DACH2: variants seen among roughly 807,000 people sequenced by gnomAD.
DACH2 encodes dachshund homolog 2.
A neutral mutation model predicts 35.8 loss-of-function variants in DACH2; 17 were observed. That is an observed-to-expected ratio of 0.48 (90% CI 0.33 to 0.71). The LOEUF (loss-of-function observed/expected upper bound fraction) is 0.71. DACH2 is among the 30% of genes least tolerant of loss of function. The pLI is 0.02. For synonymous variants in DACH2, 195 were observed against 177.3 expected (o/e 1.10, Z -0.79); for missense variants, 469 against 472.7 (o/e 0.99, Z 0.07).
intron 6 of DACH2, among the ~76,000 whole-genome samples, chrX:86,726,921 G>A (rs137902700): frequency 8.9e-6 from 1 of 111,909 alleles, no homozygotes; most frequent in Non-Finnish European, 1.9e-5. Context: ...ATCAGTCTCT[G>A]CTGAATTTTA....
At chrX:86,192,858 G>A (rs2031871845) in intron 1 of DACH2, among the ~76,000 whole-genome samples, 1 of 112,137 alleles carries the variant, frequency 8.9e-6, no homozygotes, top group Admixed American at 9.5e-5. Flanking sequence ...GTTTAGAAAA[G>A]GAAGGGATGT....
chrX:86,205,792 C>G (rs1236445684), intron 1 of DACH2, among the ~76,000 whole-genome samples: 1 of 107,935 alleles, frequency 9.3e-6, no homozygotes, highest in Non-Finnish European at 1.9e-5. Context: ...ACCTCGAATT[C>G]CTGACCTCAA....
chrX:86,266,309 A>G (rs1382172008), intron 1 of DACH2, among the ~76,000 whole-genome samples: 1 of 111,289 alleles, frequency 9.0e-6, no homozygotes, highest in African/African-American at 3.3e-5. Context: ...ATTATATTTC[A>G]CTTTCATATT....
intron 1 of DACH2, among the ~76,000 whole-genome samples, chrX:86,361,400 A>G (rs2035737339): frequency 9.0e-6 from 1 of 111,688 alleles, no homozygotes; most frequent in South Asian, 3.6e-4. Flanking sequence ...TTATACCAAT[A>G]TTTCTAAGAG....
chrX:86,831,796 A>G, intron 11 of DACH2: 1 of 80,458 alleles, frequency 1.2e-5, no homozygotes, highest in Non-Finnish European at 2.2e-5. Context: ...ATGCACCATT[A>G]TATACAAAAA....
chrX:86,447,053 G>A (rs1186476054), intron 2 of DACH2, among the ~76,000 whole-genome samples: 2 of 75,665 alleles, frequency 2.6e-5, no homozygotes, highest in African/African-American at 4.9e-5. Flanking sequence ...CAGTGATGAT[G>A]AGCATTTCTT....
intron 3 of DACH2, among the ~76,000 whole-genome samples, chrX:86,529,976 C>T (rs899025949): frequency 1.2e-4 from 4 of 34,509 alleles, no homozygotes; most frequent in Admixed American, 6.0e-4. Flanking sequence ...CACACACACA[C>T]GCACACACAC....
intron 2 of DACH2, among the ~76,000 whole-genome samples, chrX:86,489,948 A>G (rs2038071766): frequency 8.9e-6 from 1 of 112,052 alleles, no homozygotes; most frequent in African/African-American, 3.2e-5. Flanking sequence ...TTACTAGAAA[A>G]TAGCGTCTTT....
chrX:86,181,315 C>G (rs2031485901), intron 1 of DACH2, among the ~76,000 whole-genome samples: 1 of 110,742 alleles, frequency 9.0e-6, no homozygotes, highest in Non-Finnish European at 1.9e-5. Context: ...AGGTATTTCT[C>G]CTAATGCTAT....
intron 1 of DACH2, among the ~76,000 whole-genome samples, chrX:86,339,058 A>G (rs996245028): frequency 8.9e-6 from 1 of 111,951 alleles, no homozygotes; most frequent in Non-Finnish European, 1.9e-5. Flanking sequence ...AAGTACTGAA[A>G]TTGAGGCAGT....
chrX:86,686,777 C>T (rs1163918104), intron 4 of DACH2, among the ~76,000 whole-genome samples: 2 of 111,883 alleles, frequency 1.8e-5, no homozygotes, highest in Admixed American at 9.5e-5. Flanking sequence ...TATATCATCA[C>T]ACTCAGCAGG....
At chrX:86,761,161 C>A (rs2041876912) in intron 7 of DACH2, among the ~76,000 whole-genome samples, 1 of 111,108 alleles carries the variant, frequency 9.0e-6, no homozygotes, top group African/African-American at 3.3e-5. Flanking sequence ...GCCCTGCATG[C>A]ATTAGGTATT....
chrX:86,822,626 A>G, intron 11 of DACH2, among the ~76,000 whole-genome samples: 1 of 112,018 alleles, frequency 8.9e-6, no homozygotes. Flanking sequence ...TAGTTAGGAT[A>G]TGTAACAAGA....
At chrX:86,399,870 G>C (rs1361048866) in intron 2 of DACH2, among the ~76,000 whole-genome samples, 5 of 111,052 alleles carry the variant, frequency 4.5e-5, no homozygotes, top group Non-Finnish European at 9.4e-5. Context: ...TGGACTTGCT[G>C]TTCTTCTGGA....
intron 6 of DACH2, among the ~76,000 whole-genome samples, chrX:86,719,395 C>T (rs1179834383): frequency 8.9e-6 from 1 of 112,103 alleles, no homozygotes; most frequent in Non-Finnish European, 1.9e-5. Context: ...TAGGTCATAT[C>T]ATCAGTGAAC....
intron 1 of DACH2, among the ~76,000 whole-genome samples, chrX:86,197,662 CA>C (rs755706774): frequency 1.8e-5 from 2 of 109,926 alleles, no homozygotes; most frequent in East Asian, 2.9e-4. Flanking sequence ...TCAAAAAAGA[CA>C]AAAAAAAGAG....
At position 86,382,461 on chromosome X, in the gene DACH2, TACACACACACAC is replaced by T. The variant is rs55825336; in HGVS notation, c.527+5632_527+5643del. Among the ~76,000 whole-genome samples, 596 of 94,571 alleles carry T rather than the reference TACACACACACAC, an allele frequency of 6.3e-3. 2 individuals carry two copies. Among genetic ancestry groups the T allele is most frequent in the Non-Finnish European group, 8.6e-3 (406 of 47,145 alleles). 82.1% of individuals were successfully genotyped at this position (94,571 alleles called of 115,157 possible). On this transcript the variant is annotated intron_variant, in intron 2 of 11. Transcript: ENST00000373125. ...CAGAGTTGCAAATATGCTACATTCA[TACACACACACAC>T]ACACACACACACACACACACACACA...
intron 1 of DACH2, among the ~76,000 whole-genome samples, chrX:86,364,756 A>T (rs140002754): frequency 0.016 from 1,794 of 111,586 alleles, 31 homozygotes; most frequent in African/African-American, 0.055. Flanking sequence ...ATTTGTTTGA[A>T]TTAAGAGATA....
chrX:86,765,710 T>G (rs1280140950), intron 7 of DACH2, among the ~76,000 whole-genome samples: 4 of 97,350 alleles, frequency 4.1e-5, no homozygotes, highest in East Asian at 6.5e-4. Context: ...TTTTTTTTTT[T>G]TTTTTTTTTT....
Sources: allele counts gnomAD v4.1 joint callset (sites outside exome capture counted in the v4.1 genomes callset), GRCh38; gene constraint gnomAD v4.1.1; transcripts MANE v1.5; gene names NCBI Gene and HGNC (gene_info 2026-07-23, HGNC 2026-07-21).